Variants in TMTC1 observed in about 807,000 individuals in gnomAD.
The protein encoded by TMTC1 is protein O-mannosyl-transferase TMTC1.
A neutral mutation model predicts 104.8 loss-of-function variants in TMTC1; 73 were observed. The ratio of observed to expected loss-of-function variants is 0.70; its 90% CI spans 0.58 to 0.85. The LOEUF (loss-of-function observed/expected upper bound fraction) is 0.85. Among genes scored for constraint, TMTC1 ranks in the 40% least tolerant of loss-of-function variants. The pLI, the probability that TMTC1 is intolerant of heterozygous loss-of-function variation, is 0.00. For synonymous variants in TMTC1, 434 were observed against 428.7 expected, an observed-to-expected ratio of 1.01 and a Z score of -0.15; for missense variants, 1,035 against 1,096.1, an observed-to-expected ratio of 0.94 and a Z score of 0.79.
chr12:29,626,568 G>C (rs1281911303), intron 6 of TMTC1, among the ~76,000 whole-genome samples: 1 of 152,150 alleles, frequency 6.6e-6, no homozygotes, highest in Non-Finnish European at 1.5e-5. Flanking sequence ...AAAAAACGAT[G>C]CAGAGAAAAC....
chr12:29,677,183 T>C (rs1168968744), intron 5 of TMTC1, among the ~76,000 whole-genome samples: 1 of 152,238 alleles, frequency 6.6e-6, no homozygotes, highest in Non-Finnish European at 1.5e-5. Context: ...GTCAATGTAA[T>C]GGGTTTCAGG....
intron 5 of TMTC1, among the ~76,000 whole-genome samples, chr12:29,698,232 G>A (rs371980214): frequency 4.6e-5 from 7 of 152,032 alleles, no homozygotes; most frequent in East Asian, 1.9e-4. Flanking sequence ...CCTCTCCCAC[G>A]CCCATTTATT....
rs140141800 is a variant in TMTC1 at position 29,757,663 on chromosome 12, C to T, written c.554+1041G>A. Among the ~76,000 whole-genome samples the T allele has an allele frequency of 7.2e-4, 110 of 152,198 alleles. 2 individuals carry two copies. Among genetic ancestry groups the T allele is most frequent in the Admixed American group, 4.3e-3 (66 of 15,292 alleles). ...TCCAGGTTGTATTAGTCTGTTTTCA[C>T]GCTGCTGATAAAGACATACCTGAGA... On this transcript the variant is annotated intron_variant, in intron 3 of 17. Transcript: ENST00000539277.
chr12:29,557,309 CT>C (rs1945271040), intron 9 of TMTC1, among the ~76,000 whole-genome samples: 1 of 152,208 alleles, frequency 6.6e-6, no homozygotes, highest in African/African-American at 2.4e-5. Context: ...GAAAATCCTC[CT>C]TGCCTCAGGT....
intron 1 of TMTC1, among the ~76,000 whole-genome samples, chr12:29,777,015 T>C (rs1489784085): frequency 6.6e-6 from 1 of 152,124 alleles, no homozygotes; most frequent in Non-Finnish European, 1.5e-5. Context: ...CAGGACTTCA[T>C]AGAAAAGAAA....
chr12:29,555,959 G>C (rs1245565249), intron 10 of TMTC1, among the ~76,000 whole-genome samples: 3 of 152,086 alleles, frequency 2.0e-5, no homozygotes, highest in African/African-American at 7.2e-5. Flanking sequence ...CATGTGGATT[G>C]TCAGCATTCT....
intron 5 of TMTC1, among the ~76,000 whole-genome samples, chr12:29,676,573 T>C (rs1047790471): frequency 6.6e-6 from 1 of 152,204 alleles, no homozygotes; most frequent in African/African-American, 2.4e-5. Context: ...ATTCCTGCCA[T>C]AGTCAGTCAG....
chr12:29,685,910 C>T (rs1229286828), intron 5 of TMTC1, among the ~76,000 whole-genome samples: 1 of 138,702 alleles, frequency 7.2e-6, no homozygotes, highest in Non-Finnish European at 1.5e-5. Flanking sequence ...AAACTGTAGA[C>T]TATATTATAG....
chr12:29,554,392 C>T (rs550624052), intron 10 of TMTC1, among the ~76,000 whole-genome samples: 2 of 151,378 alleles, frequency 1.3e-5, no homozygotes, highest in Non-Finnish European at 1.5e-5. Flanking sequence ...GTTTTAATAT[C>T]ACTGTTAGTA....
chr12:29,626,939 A>G (rs558573620), intron 6 of TMTC1, among the ~76,000 whole-genome samples: 2 of 152,152 alleles, frequency 1.3e-5, no homozygotes, highest in African/African-American at 4.8e-5. Flanking sequence ...CATCTCTACT[A>G]AAAATACAAA....
At chr12:29,514,727 T>C (rs1040169573) in intron 15 of TMTC1, 123 bp from the exon 16 acceptor site, 4 of 1,089,502 alleles carry the variant, frequency 3.7e-6, no homozygotes, top group Admixed American at 2.7e-5. Context: ...ACAATCAAAG[T>C]ACAATTCTTG....
chr12:29,772,375 G>T (rs757738916), intron 1 of TMTC1, among the ~76,000 whole-genome samples: 2 of 151,882 alleles, frequency 1.3e-5, no homozygotes, highest in Non-Finnish European at 2.9e-5. Flanking sequence ...TTTTGTGTAC[G>T]GTAAAGAGGA....
intron 5 of TMTC1, among the ~76,000 whole-genome samples, chr12:29,654,765 G>A (rs1939678406): frequency 6.6e-6 from 1 of 151,772 alleles, no homozygotes; most frequent in East Asian, 1.9e-4. Context: ...ATAATGGAAT[G>A]CTACTGGGGA....
intron 9 of TMTC1, among the ~76,000 whole-genome samples, chr12:29,562,785 T>C (rs1383423080): frequency 6.6e-6 from 1 of 152,156 alleles, no homozygotes; most frequent in Non-Finnish European, 1.5e-5. Context: ...GGTATAAAAA[T>C]ATCCATCACC....
intron 5 of TMTC1, among the ~76,000 whole-genome samples, chr12:29,680,705 C>T (rs554259095): frequency 6.6e-6 from 1 of 152,250 alleles, no homozygotes; most frequent in African/African-American, 2.4e-5. Flanking sequence ...TTGGGTATGT[C>T]TCTTATGTGA....
chr12:29,514,911 G>T (rs373583616), intron 15 of TMTC1, among the ~76,000 whole-genome samples: 25 of 152,196 alleles, frequency 1.6e-4, no homozygotes, highest in Admixed American at 1.2e-3. Context: ...CTACTGGGGG[G>T]GCTGAGATGG....
intron 8 of TMTC1, among the ~76,000 whole-genome samples, chr12:29,580,414 T>C (rs540586841): frequency 3.1e-4 from 47 of 152,290 alleles, no homozygotes; most frequent in African/African-American, 1.1e-3. Context: ...GGATCTTTTG[T>C]GTAAAAGGAG....
intron 2 of TMTC1, among the ~76,000 whole-genome samples, chr12:29,761,488 T>C (rs1172668746): frequency 6.6e-6 from 1 of 152,114 alleles, no homozygotes; most frequent in Non-Finnish European, 1.5e-5. Context: ...AATAATGCAT[T>C]ACTTCAGAAG....
At chr12:29,521,377 A>T (rs963875417) in intron 11 of TMTC1, among the ~76,000 whole-genome samples, 16 of 152,062 alleles carry the variant, frequency 1.1e-4, no homozygotes, top group African/African-American at 2.9e-4. Flanking sequence ...TGCTCCCTCC[A>T]ACAGGTTTAT....
Sources: gnomAD v4.1 joint callset for allele counts (sites outside exome capture counted in the v4.1 genomes callset) on GRCh38, gnomAD v4.1.1 for gene constraint, MANE v1.5 for transcripts, NCBI Gene and HGNC (gene_info 2026-07-23, HGNC 2026-07-21) for gene names.